The following BBX variants were observed in gnomAD, a reference collection of about 807,000 sequenced individuals.
BBX encodes the protein HMG box transcription factor BBX.
Under a neutral mutation model 100.2 loss-of-function variants are expected in BBX, and 30 were observed. The ratio of observed to expected loss-of-function variants is 0.30; its 90% confidence interval spans 0.22 to 0.41. The LOEUF is 0.41. Ranked by LOEUF, BBX falls within the 10% of genes least tolerant of loss-of-function variation. The probability of loss-of-function intolerance (pLI) is 1.00; values close to 1 mark genes in which losing one functional copy is unlikely to be tolerated. For missense variants in BBX, 1,023 were observed against 1,129.8 expected, an observed-to-expected ratio of 0.91 and a Z score of 1.35; for synonymous variants, 376 against 388.1, an observed-to-expected ratio of 0.97 and a Z score of 0.37.
intron 3 of BBX, among the ~76,000 whole-genome samples, chr3:107,658,829 A>G (rs757436330): frequency 1.3e-5 from 2 of 152,182 alleles, no homozygotes; most frequent in African/African-American, 2.4e-5. Context: ...GAACATTTAA[A>G]TAGCTTGTCT....
At chr3:107,640,320 C>G (rs1297400814) in intron 2 of BBX, among the ~76,000 whole-genome samples, 1 of 152,180 alleles carries the variant, frequency 6.6e-6, no homozygotes, top group Admixed American at 6.5e-5. Context: ...CTCACGTGAA[C>G]CCTGTACTTC....
At chr3:107,750,805 G>A (rs569300843) in intron 9 of BBX, among the ~76,000 whole-genome samples, 2 of 152,300 alleles carry the variant, frequency 1.3e-5, no homozygotes, top group East Asian at 1.9e-4. Flanking sequence ...TACTCACTGC[G>A]ATATCCCTAA....
At position 107,809,111 on chromosome 3, in the gene BBX, G is replaced by A. The variant is rs1177367747; in HGVS notation, c.*3654G>A. On this transcript the variant is annotated 3_prime_UTR_variant, in exon 18 of 18. Transcript: ENST00000325805. ...TGCACTCTGCAGTCTTTGGCTCAAT[G>A]TATGGAAATGTTTGCACCTATGTAA... 3 of 152,198 alleles carry A rather than the reference G, an allele frequency of 2.0e-5. No individual in the cohort carries two copies. The highest frequency in any genetic ancestry group is 4.8e-5 in the African/African-American group (2 of 41,454). 9.4% of individuals were successfully genotyped at this position (152,198 alleles called of 1,614,324 possible).
intron 3 of BBX, among the ~76,000 whole-genome samples, chr3:107,678,427 A>G (rs1049319546): frequency 2.6e-5 from 4 of 152,054 alleles, no homozygotes; most frequent in African/African-American, 9.7e-5. Flanking sequence ...TAATGGTTAG[A>G]AGTTATTATG....
intron 2 of BBX, among the ~76,000 whole-genome samples, chr3:107,532,319 A>T (rs2048217026): frequency 6.6e-6 from 1 of 152,142 alleles, no homozygotes. Flanking sequence ...TGATAAAGCC[A>T]CTCCTTTTTT....
chr3:107,687,876 G>A (rs536062003), intron 3 of BBX, among the ~76,000 whole-genome samples: 28 of 152,084 alleles, frequency 1.8e-4, no homozygotes, highest in East Asian at 5.8e-4. Context: ...CCAACATGGC[G>A]AAACCCCATC....
chr3:107,678,155 A>G (rs2059382793), intron 3 of BBX, among the ~76,000 whole-genome samples: 1 of 152,060 alleles, frequency 6.6e-6, no homozygotes, highest in Admixed American at 6.6e-5. Context: ...TTTTATGCCA[A>G]TAAATGCATT....
chr3:107,684,268 T>A (rs1488944653), intron 3 of BBX, among the ~76,000 whole-genome samples: 2 of 152,210 alleles, frequency 1.3e-5, no homozygotes, highest in Non-Finnish European at 2.9e-5. Context: ...TCATTCTACA[T>A]ATCATCATTA....
At chr3:107,677,533 C>G (rs1435090269) in intron 3 of BBX, 1 of 152,144 alleles carries the variant, frequency 6.6e-6, no homozygotes, top group Non-Finnish European at 1.5e-5. Context: ...AACATCATAA[C>G]TTAGCTTAGC....
intron 2 of BBX, among the ~76,000 whole-genome samples, chr3:107,545,258 G>A (rs1462694635): frequency 6.6e-6 from 1 of 152,136 alleles, no homozygotes; most frequent in African/African-American, 2.4e-5. Flanking sequence ...AATGCAAAAT[G>A]ACTTTAAGCA....
chr3:107,760,265 A>C (rs986587957), intron 10 of BBX, among the ~76,000 whole-genome samples: 2 of 152,224 alleles, frequency 1.3e-5, no homozygotes, highest in African/African-American at 4.8e-5. Context: ...AGGAGTGTGC[A>C]TATTATAAAA....
chr3:107,705,269 G>C (rs1314018507), intron 3 of BBX, among the ~76,000 whole-genome samples: 2 of 152,118 alleles, frequency 1.3e-5, no homozygotes, highest in Non-Finnish European at 2.9e-5. Flanking sequence ...TATTTAATGG[G>C]CCTCCCATAC....
At chr3:107,732,863 C>A (rs943178173) in intron 6 of BBX, 93 bp from the exon 7 acceptor site, 1 of 1,028,416 alleles carries the variant, frequency 9.7e-7, no homozygotes, top group Non-Finnish European at 1.4e-6. Context: ...TGTTGGATTT[C>A]TGATTGCTAG....
intron 2 of BBX, among the ~76,000 whole-genome samples, chr3:107,625,865 C>T (rs573347366): frequency 2.6e-5 from 4 of 151,876 alleles, no homozygotes; most frequent in Non-Finnish European, 5.9e-5. Context: ...GGTATGTGTG[C>T]AGGTTTGTTA....
At chr3:107,690,891 C>CTTTTTTTTT (rs1305340083) in intron 3 of BBX, among the ~76,000 whole-genome samples, 12 of 72,346 alleles carry the variant, frequency 1.7e-4, no homozygotes, top group Non-Finnish European at 2.4e-4. Context: ...TGCCCCCCCC[C>CTTTTTTTTT]CTTTTTTTTT....
At chr3:107,557,555 T>G (rs1371741058) in intron 2 of BBX, among the ~76,000 whole-genome samples, 1 of 152,264 alleles carries the variant, frequency 6.6e-6, no homozygotes, top group East Asian at 1.9e-4. Context: ...AAGGTCTTAC[T>G]CATATACATG....
chr3:107,768,739 A>G (rs1379581920), intron 10 of BBX, among the ~76,000 whole-genome samples: 1 of 59,366 alleles, frequency 1.7e-5, no homozygotes, highest in Non-Finnish European at 3.5e-5. Flanking sequence ...CAAGCCAGAA[A>G]TGTGACCTAT....
chr3:107,659,573 G>A, intron 3 of BBX: 3 of 320,556 alleles, frequency 9.4e-6, no homozygotes, highest in Non-Finnish European at 1.8e-5. Context: ...TTTAGATGGG[G>A]AAACTGAAGA....
At chr3:107,553,974 G>A (rs973930381) in intron 2 of BBX, among the ~76,000 whole-genome samples, 1 of 152,052 alleles carries the variant, frequency 6.6e-6, no homozygotes, top group African/African-American at 2.4e-5. Flanking sequence ...CTCCAGATAA[G>A]CAGTTAATTA....
Sources: allele counts gnomAD v4.1 joint callset (sites outside exome capture counted in the v4.1 genomes callset), GRCh38; gene constraint gnomAD v4.1.1; transcripts MANE v1.5; gene names NCBI Gene and HGNC (gene_info 2026-07-23, HGNC 2026-07-21).